The following TUBGCP4 variants were observed in gnomAD, a reference collection of about 807,000 sequenced individuals.
TUBGCP4 encodes tubulin gamma complex component 4, also known as gamma-tubulin complex component 4.
TUBGCP4 carries 54 observed loss-of-function variants against 91.6 expected under a neutral mutation model. The observed-to-expected ratio is 0.59, with a 90% CI of 0.47 to 0.74. The LOEUF (loss-of-function observed/expected upper bound fraction) is 0.74. TUBGCP4 is among the 30% of genes least tolerant of loss of function. The pLI, the probability that TUBGCP4 is intolerant of heterozygous loss-of-function variation, is 0.00. For missense variants in TUBGCP4, 593 were observed against 800.9 expected (o/e 0.74, Z 3.13); for synonymous variants, 297 against 302.8 (o/e 0.98, Z 0.20).
At chr15:43,393,824 A>G (rs2044530848) in intron 9 of TUBGCP4, among the ~76,000 whole-genome samples, 2 of 152,190 alleles carry the variant, frequency 1.3e-5, no homozygotes, top group Admixed American at 1.3e-4. Flanking sequence ...TATGTGCCAC[A>G]TTTACGATTA....
In TUBGCP4 at chr15:43,407,305, A is replaced by T; in HGVS notation, c.*2091A>T. The T allele has an allele frequency of 7.9e-7, 1 of 1,273,732 alleles. No individual in the cohort carries two copies. Among genetic ancestry groups the T allele is most frequent in the South Asian group, 1.3e-5 (1 of 75,220 alleles). The allele number at this position is 1,273,732 out of a possible 1,614,324, so 78.9% of individuals were successfully genotyped here. A position where few individuals can be genotyped will look rare whatever the true frequency, so the allele number is the denominator to read the frequency against. On this transcript the variant is annotated 3_prime_UTR_variant, in exon 18 of 18. Coordinates refer to ENST00000564079, the MANE Select transcript of TUBGCP4 (RefSeq NM_014444.5). ...AGATCCATGCAAGGAATCCAGTTACACACAAGACACATTTAAAACCTGGTT... is the reference window on the plus strand; with the variant it reads ...AGATCCATGCAAGGAATCCAGTTACTCACAAGACACATTTAAAACCTGGTT...
chr15:43,382,269 A>C (rs2044296665), intron 6 of TUBGCP4, among the ~76,000 whole-genome samples: 1 of 152,150 alleles, frequency 6.6e-6, no homozygotes, highest in African/African-American at 2.4e-5. Context: ...TCTCTTATAG[A>C]ACATCAATTC....
Position 43,403,753 on chromosome 15 carries a change from G to C in TUBGCP4, c.1802G>C (p.Gly601Ala), listed in dbSNP as rs1555396941. 6.2e-7 allele frequency: 1 copy of C among 1,613,850 alleles called. No homozygotes were observed. Among genetic ancestry groups the C allele is most frequent in the East Asian group, 2.2e-5 (1 of 44,876 alleles). The stretch of plus-strand genomic sequence containing the variant: ...TGTTCGCTGGTCAGTCAGAACCTAG[G>C]CCCACTGGATGAGCGTGGAGCCGCC... ...SFCSLVSQNLGPLDERGAAQL... is the reference protein window; with the variant it reads ...SFCSLVSQNLAPLDERGAAQL... Residue 601 changes from glycine (G) to alanine (A), a missense_variant, in exon 16 of 18, where the codon GGC becomes GCC. Transcript: ENST00000564079.
At position 43,409,348 on chromosome 15, in the gene TUBGCP4, A is replaced by G; in HGVS notation, c.*4134A>G. 2 of 576,804 alleles carry G rather than the reference A, an allele frequency of 3.5e-6. No homozygotes were observed. Among genetic ancestry groups the G allele is most frequent in the Non-Finnish European group, 6.2e-6 (2 of 324,290 alleles). The allele number at this position is 576,804 out of a possible 1,614,324, so 35.7% of individuals were successfully genotyped here. A position where few individuals can be genotyped will look rare whatever the true frequency, so the allele number is the denominator to read the frequency against. ...ACGGACAACCAAAACCTATGAACTC[A>G]GCCTTTCAGGCTAAAAATCAGCAAC... On this transcript the variant is annotated 3_prime_UTR_variant, in exon 18 of 18. Transcript: ENST00000564079.
chr15:43,409,507 A>G lies in TUBGCP4; in HGVS notation c.*4293A>G. 1.9e-6 allele frequency: 1 copy of G among 525,394 alleles called. No individual in the cohort carries two copies. Among genetic ancestry groups the G allele is most frequent in the African/African-American group, 1.9e-5 (1 of 52,152 alleles). The allele number at this position is 525,394 out of a possible 1,614,324, so 32.5% of individuals were successfully genotyped here. A position where few individuals can be genotyped will look rare whatever the true frequency, so the allele number is the denominator to read the frequency against. Reference sequence around the variant, plus strand: ...CAACAAAAATTCTATTTCATGCAAAAACATTTTGGCAGTTTCTCAGTTCCT... The same window carrying G: ...CAACAAAAATTCTATTTCATGCAAAGACATTTTGGCAGTTTCTCAGTTCCT... On this transcript the variant is annotated 3_prime_UTR_variant, in exon 18 of 18. Transcript: ENST00000564079.
At position 43,385,976 on chromosome 15, in the gene TUBGCP4, A is replaced by G. The variant is rs370787144; in HGVS notation, c.889+20A>G. On this transcript the variant is annotated intron_variant, in intron 8 of 17. Transcript: ENST00000564079. Reference sequence around the variant, plus strand: ...GAAAAGGTAGAAATCTCCTTGTCCAATGTACCACACCCTCAAAATCTCTTC... The same window carrying G: ...GAAAAGGTAGAAATCTCCTTGTCCAGTGTACCACACCCTCAAAATCTCTTC... The G allele has an allele frequency of 6.8e-6, 11 of 1,612,592 alleles. No individual in the cohort carries two copies. The highest frequency in any genetic ancestry group is 6.7e-5 in the African/African-American group (5 of 74,886).
chr15:43,387,070 G>A (rs1370352846), intron 9 of TUBGCP4, among the ~76,000 whole-genome samples: 2 of 152,160 alleles, frequency 1.3e-5, no homozygotes, highest in South Asian at 4.1e-4. Context: ...AGTTTAGTAT[G>A]GCTCATAACT....
At chr15:43,386,124 A>G in intron 8 of TUBGCP4, 82 bp from the exon 9 acceptor site, 1 of 1,543,144 alleles carries the variant, frequency 6.5e-7, no homozygotes, top group South Asian at 1.3e-5. Flanking sequence ...TTGCTGCCCC[A>G]CTGAGATTAG....
chr15:43,408,899 G>A lies in TUBGCP4; in HGVS notation c.*3685G>A. ...CTGGATGGGCTTCAAATACTTACCA[G>A]TCCAGAATTCTTTGCTCCTCAAGGC... On this transcript the variant is annotated 3_prime_UTR_variant, in exon 18 of 18. Transcript: ENST00000564079. 6.2e-7 allele frequency: 1 copy of A among 1,613,998 alleles called. No individual in the cohort carries two copies. Among genetic ancestry groups the A allele is most frequent in the East Asian group, 2.2e-5 (1 of 44,876 alleles).
intron 1 of TUBGCP4, among the ~76,000 whole-genome samples, chr15:43,372,907 G>A (rs1595473838): frequency 6.6e-6 from 1 of 152,168 alleles, no homozygotes; most frequent in African/African-American, 2.4e-5. Context: ...CCCTGGGAGC[G>A]AAGACCAGTG....
intron 9 of TUBGCP4, among the ~76,000 whole-genome samples, chr15:43,388,389 C>A (rs966541365): frequency 6.6e-6 from 1 of 152,190 alleles, no homozygotes; most frequent in African/African-American, 2.4e-5. Flanking sequence ...ACAGAATGTT[C>A]GATCTTAAAA....
chr15:43,394,749 C>CA (rs2044552831), intron 9 of TUBGCP4: 1 of 290,102 alleles, frequency 3.4e-6, no homozygotes, highest in Non-Finnish European at 6.6e-6. Context: ...ATGTGTGCAG[C>CA]ACCTCCCCCT....
intron 9 of TUBGCP4, among the ~76,000 whole-genome samples, chr15:43,389,362 T>A (rs1236535341): frequency 6.6e-6 from 1 of 152,178 alleles, no homozygotes; most frequent in East Asian, 1.9e-4. Flanking sequence ...ATGATCATAC[T>A]ATCTGCAAAT....
rs182595780 is a variant in TUBGCP4, at chr15:43,374,339, C to T, written c.79-1759C>T. Reference sequence around the variant, plus strand: ...AAAATTAAATAAAGGCCAGGCACAGCGGCTGACACTTGTGATCTCAGCACT... The same window carrying T: ...AAAATTAAATAAAGGCCAGGCACAGTGGCTGACACTTGTGATCTCAGCACT... On this transcript the variant is annotated intron_variant, in intron 1 of 17. Transcript: ENST00000564079. Among the ~76,000 whole-genome samples, 420 of 152,152 alleles carry T rather than the reference C, an allele frequency of 2.8e-3. 3 individuals carry two copies. Among genetic ancestry groups the T allele is most frequent in the Non-Finnish European group, 5.1e-3 (344 of 67,998 alleles).
At chr15:43,375,286 G>A (rs2044189302) in intron 1 of TUBGCP4, among the ~76,000 whole-genome samples, 1 of 152,228 alleles carries the variant, frequency 6.6e-6, no homozygotes, top group African/African-American at 2.4e-5. Context: ...TGGATACGGA[G>A]TTTCATTTGG....
chr15:43,391,068 C>T (rs577441599), intron 9 of TUBGCP4, among the ~76,000 whole-genome samples: 4 of 151,558 alleles, frequency 2.6e-5, no homozygotes, highest in African/African-American at 7.3e-5. Flanking sequence ...CTGTGTCGCC[C>T]GGGCTAGAGT....
intron 12 of TUBGCP4, 103 bp from the exon 13 acceptor site, chr15:43,397,938 C>A (rs2044608950): frequency 8.1e-7 from 1 of 1,233,320 alleles, no homozygotes; most frequent in Non-Finnish European, 1.1e-6. Flanking sequence ...TCTTGAACTC[C>A]TGTGAGCTCT....
intron 9 of TUBGCP4, among the ~76,000 whole-genome samples, chr15:43,392,067 A>C (rs1477928744): frequency 4.9e-5 from 7 of 141,730 alleles, no homozygotes; most frequent in Admixed American, 7.1e-5. Flanking sequence ...AATAAAATAA[A>C]ATAGAGATAC....
At chr15:43,388,789 G>C (rs552257860) in intron 9 of TUBGCP4, among the ~76,000 whole-genome samples, 8 of 152,318 alleles carry the variant, frequency 5.3e-5, no homozygotes, top group Non-Finnish European at 8.8e-5. Context: ...GACTTTGGAA[G>C]CATTATTGCA....
Sources: gnomAD v4.1 joint callset for allele counts (sites outside exome capture counted in the v4.1 genomes callset) on GRCh38, gnomAD v4.1.1 for gene constraint, MANE v1.5 for transcripts, NCBI Gene and HGNC (gene_info 2026-07-23, HGNC 2026-07-21) for gene names.